CPPED1: variants seen among roughly 807,000 people sequenced by gnomAD.
The protein encoded by CPPED1 is calcineurin like phosphoesterase domain containing 1, also known as serine/threonine-protein phosphatase CPPED1.
CPPED1 carries 28 observed loss-of-function variants against 28.0 expected under a neutral mutation model. That is an observed-to-expected ratio of 1.00 (90% CI 0.74 to 1.37). The LOEUF (loss-of-function observed/expected upper bound fraction) is 1.37, where lower values mean the gene tolerates loss of function less well. CPPED1 is among the 40% of genes most tolerant of loss of function. CPPED1 has a pLI of 0.00. For synonymous variants in CPPED1, 198 were observed against 180.2 expected (o/e 1.10, Z -0.79); for missense variants, 504 against 416.5 (o/e 1.21, Z -1.83).
rs542325530 is a variant in CPPED1 at position 12,747,867 on chromosome 16, T to C, written c.289+33318A>G. ...AATATAACATATAACCCAATAAAGCTACTGAAAAACTGTTCACTGTGTGCG... is the reference window on the plus strand; with the variant it reads ...AATATAACATATAACCCAATAAAGCCACTGAAAAACTGTTCACTGTGTGCG... On this transcript the variant is annotated intron_variant, in intron 2 of 3. Transcript: ENST00000381774. 5.3e-5 allele frequency among the ~76,000 whole-genome samples: 8 copies of C among 152,296 alleles called. 1 individual carries two copies. The South Asian group carries it at 1.7e-3, about 32-fold the overall frequency.
chr16:12,724,987 T>C (rs888507134), intron 2 of CPPED1, among the ~76,000 whole-genome samples: 3 of 151,074 alleles, frequency 2.0e-5, no homozygotes, highest in Non-Finnish European at 3.0e-5. Context: ...GGGGTTGCAC[T>C]GTGTTAGCCA....
intron 3 of CPPED1, among the ~76,000 whole-genome samples, chr16:12,671,024 T>A (rs1255885052): frequency 6.6e-6 from 1 of 152,016 alleles, no homozygotes; most frequent in Non-Finnish European, 1.5e-5. Flanking sequence ...CTCACTTTTG[T>A]ATTTTTAGTA....
rs75762618 is a variant in CPPED1 at position 12,769,656 on chromosome 16, G to T, written c.289+11529C>A. 3.4e-3 allele frequency among the ~76,000 whole-genome samples: 525 copies of T among 152,262 alleles called. 2 individuals carry two copies. The highest frequency in any genetic ancestry group is 0.012 in the African/African-American group (505 of 41,546). The stretch of plus-strand genomic sequence containing the variant: ...CTGATTGCCTGGATGATTTCACCGG[G>T]CTCATACTGGATGTGAAGGAGTGCA... On this transcript the variant is annotated intron_variant, in intron 2 of 3. Coordinates refer to ENST00000381774, the MANE Select transcript of CPPED1 (RefSeq NM_018340.3).
chr16:12,762,015 C>CAAA (rs56991005), intron 2 of CPPED1, among the ~76,000 whole-genome samples: 19 of 145,262 alleles, frequency 1.3e-4, no homozygotes, highest in African/African-American at 3.3e-4. Flanking sequence ...ACTCTGTCTC[C>CAAA]AAAAAAAAAA....
chr16:12,763,477 A>C (rs1161435431), intron 2 of CPPED1, among the ~76,000 whole-genome samples: 1 of 152,208 alleles, frequency 6.6e-6, no homozygotes, highest in African/African-American at 2.4e-5. Context: ...ATGGAATTCA[A>C]TCTCAATAGA....
chr16:12,680,817 T>G (rs920389137), intron 3 of CPPED1, among the ~76,000 whole-genome samples: 4 of 152,130 alleles, frequency 2.6e-5, no homozygotes, highest in Non-Finnish European at 5.9e-5. Context: ...GTCCACGTGC[T>G]CCTGGGCTGA....
At chr16:12,772,602 G>T (rs1177631221) in intron 2 of CPPED1, among the ~76,000 whole-genome samples, 1 of 152,032 alleles carries the variant, frequency 6.6e-6, no homozygotes, top group Non-Finnish European at 1.5e-5. Context: ...AATAGAAATG[G>T]TCCCCAAAAT....
rs1461722779 is a variant in CPPED1, at chr16:12,660,513, G to GTT, written c.*4372_*4373insAA. ...TTTTACTATATGTGTGTGTGTGTGTGTGTGTGTGTGTGTGTGTGTGTACTC... is the reference window on the plus strand; with the variant it reads ...TTTTACTATATGTGTGTGTGTGTGTGTTTGTGTGTGTGTGTGTGTGTGTACTC... On this transcript the variant is annotated 3_prime_UTR_variant, in exon 4 of 4. Coordinates refer to ENST00000381774, the MANE Select transcript of CPPED1 (RefSeq NM_018340.3). 2.0e-5 allele frequency: 3 copies of GTT among 151,812 alleles called. No homozygotes were observed. The highest frequency in any genetic ancestry group is 4.4e-5 in the Non-Finnish European group (3 of 67,936). 9.4% of individuals were successfully genotyped at this position (151,812 alleles called of 1,614,324 possible). A position where few individuals can be genotyped will look rare whatever the true frequency, so the allele number is the denominator to read the frequency against.
intron 2 of CPPED1, among the ~76,000 whole-genome samples, chr16:12,723,091 C>T (rs1379130672): frequency 3.9e-5 from 6 of 152,210 alleles, no homozygotes; most frequent in Admixed American, 6.5e-5. Flanking sequence ...CTCCACCCGG[C>T]TCCCATCTAA....
chr16:12,750,831 C>A (rs146429075), intron 2 of CPPED1, among the ~76,000 whole-genome samples: 1 of 151,756 alleles, frequency 6.6e-6, no homozygotes. Context: ...ATTAGCCAGG[C>A]GTGGTGCCTC....
intron 2 of CPPED1, among the ~76,000 whole-genome samples, chr16:12,731,532 G>C (rs1179139719): frequency 2.0e-5 from 3 of 151,900 alleles, no homozygotes; most frequent in Admixed American, 1.3e-4. Context: ...AGAACACTTA[G>C]AGCGAAAGAA....
intron 2 of CPPED1, among the ~76,000 whole-genome samples, chr16:12,767,255 G>A (rs974256813): frequency 1.3e-5 from 2 of 152,192 alleles, no homozygotes; most frequent in African/African-American, 2.4e-5. Flanking sequence ...GAGTGCCGAT[G>A]TCCAGGGGCA....
intron 1 of CPPED1, among the ~76,000 whole-genome samples, chr16:12,789,194 G>A (rs899698697): frequency 1.3e-5 from 2 of 152,046 alleles, no homozygotes; most frequent in Admixed American, 1.3e-4. Flanking sequence ...GCCTTCACAT[G>A]GGGTTTGTGC....
rs566259758 is a variant in CPPED1, at chr16:12,781,393, G to A, written c.81C>T (p.Ser27=). 1.7e-5 allele frequency: 27 copies of A among 1,612,982 alleles called. No individual in the cohort carries two copies. The highest frequency in any genetic ancestry group is 1.6e-4 in the Middle Eastern group (1 of 6,076). ...TLAAFPAEKE[S]EWKGPFYFIL... is the part of the protein sequence containing the mutation. The stretch of plus-strand genomic sequence containing the variant: ...TGAAGTAGAATGGGCCTTTCCATTC[G>A]CTTTCCTTTTCTTAAAAAAAGAGAG... The change falls in exon 2 of 4, where the codon AGC becomes AGT. Residue 27 remains serine, a synonymous_variant. Coordinates refer to ENST00000381774, the MANE Select transcript of CPPED1 (RefSeq NM_018340.3).
chr16:12,703,115 GGT>G (rs1231707090), intron 3 of CPPED1, among the ~76,000 whole-genome samples: 1 of 152,072 alleles, frequency 6.6e-6, no homozygotes, highest in Admixed American at 6.6e-5. Context: ...TAGTCTCCAT[GGT>G]GGTGCTCATG....
At chr16:12,777,000 T>C (rs969486736) in intron 2 of CPPED1, among the ~76,000 whole-genome samples, 4 of 152,194 alleles carry the variant, frequency 2.6e-5, no homozygotes, top group African/African-American at 9.7e-5. Context: ...AATTATTCTT[T>C]TTGCTTATAA....
At chr16:12,712,271 A>G (rs1349174187) in intron 2 of CPPED1, among the ~76,000 whole-genome samples, 1 of 152,110 alleles carries the variant, frequency 6.6e-6, no homozygotes, top group Non-Finnish European at 1.5e-5. Flanking sequence ...CTCCGTCCCT[A>G]CCTGCAGGTT....
intron 1 of CPPED1, among the ~76,000 whole-genome samples, chr16:12,783,777 A>C (rs2080546554): frequency 6.6e-6 from 1 of 152,212 alleles, no homozygotes; most frequent in Admixed American, 6.5e-5. Flanking sequence ...CAAATTGTAC[A>C]TGTACATAAA....
At chr16:12,736,865 A>T in intron 2 of CPPED1, among the ~76,000 whole-genome samples, 1 of 152,046 alleles carries the variant, frequency 6.6e-6, no homozygotes, top group Non-Finnish European at 1.5e-5. Context: ...GTGGGAAGGC[A>T]GTGGGGAGGG....
Sources: gnomAD v4.1 joint callset for allele counts (sites outside exome capture counted in the v4.1 genomes callset) on GRCh38, gnomAD v4.1.1 for gene constraint, MANE v1.5 for transcripts, NCBI Gene and HGNC (gene_info 2026-07-23, HGNC 2026-07-21) for gene names.